The following LMX1B variants were observed in gnomAD, a reference collection of about 807,000 sequenced individuals.
LMX1B encodes the protein LIM homeobox transcription factor 1-beta.
LMX1B carries 12 observed loss-of-function variants against 51.4 expected under a neutral mutation model. The observed-to-expected ratio is 0.23, with a 90% CI of 0.15 to 0.38. The LOEUF is 0.38. Among genes scored for constraint, LMX1B ranks in the 10% least tolerant of loss-of-function variants. The probability of loss-of-function intolerance (pLI) is 1.00; values close to 1 mark genes in which losing one functional copy is unlikely to be tolerated. For synonymous variants in LMX1B, 237 were observed against 235.4 expected, an observed-to-expected ratio of 1.01 and a Z score of -0.06; for missense variants, 445 against 571.1, an observed-to-expected ratio of 0.78 and a Z score of 2.25.
chr9:126,682,107 T>TTTTTTTTTTTTTG, intron 2 of LMX1B, among the ~76,000 whole-genome samples: 1 of 144,288 alleles, frequency 6.9e-6, no homozygotes, highest in Non-Finnish European at 1.5e-5. Flanking sequence ...TTTTTTTTTT[T>TTTTTTTTTTTTTG]TATAGAGATG....
At chr9:126,652,889 G>T (rs146694521) in intron 2 of LMX1B, among the ~76,000 whole-genome samples, 3 of 152,204 alleles carry the variant, frequency 2.0e-5, no homozygotes, top group Non-Finnish European at 4.4e-5. Context: ...TAGCCCCAGC[G>T]GGTGTTGATG....
intron 2 of LMX1B, among the ~76,000 whole-genome samples, chr9:126,646,406 A>ATCCG (rs1835902856): frequency 6.6e-6 from 1 of 151,840 alleles, no homozygotes; most frequent in Non-Finnish European, 1.5e-5. Flanking sequence ...CAATCTACCC[A>ATCCG]TCCATCCATC....
chr9:126,683,752 T>C (rs1371579577), intron 2 of LMX1B, among the ~76,000 whole-genome samples: 1 of 152,060 alleles, frequency 6.6e-6, no homozygotes, highest in Non-Finnish European at 1.5e-5. Flanking sequence ...ACCCATAAGG[T>C]GGGAATTGGG....
chr9:126,633,829 C>T (rs1272895208), intron 2 of LMX1B, among the ~76,000 whole-genome samples: 1 of 152,158 alleles, frequency 6.6e-6, no homozygotes, highest in African/African-American at 2.4e-5. Context: ...TTCATTCAAC[C>T]GTAAGCCTCA....
In LMX1B at chr9:126,625,797, C is replaced by T. The variant is rs1256107001; in HGVS notation, c.326+10228C>T. 6.6e-6 allele frequency among the ~76,000 whole-genome samples: 1 copy of T among 152,208 alleles called. No individual in the cohort carries two copies. The highest frequency in any genetic ancestry group is 1.5e-5 in the Non-Finnish European group (1 of 68,038). On this transcript the variant is annotated intron_variant, in intron 2 of 7. Transcript: ENST00000373474. The surrounding 1 kb of genome is among the most constrained non-coding windows in gnomAD (Gnocchi z 5.3). Reference sequence around the variant, plus strand: ...GACCCAGCCCTGTCTGCCGACTGGCCCTTCGACGTCGCCGCCGTGCCTGAG... The same window carrying T: ...GACCCAGCCCTGTCTGCCGACTGGCTCTTCGACGTCGCCGCCGTGCCTGAG...
At chr9:126,638,339 G>A (rs558691671) in intron 2 of LMX1B, among the ~76,000 whole-genome samples, 32 of 152,060 alleles carry the variant, frequency 2.1e-4, no homozygotes, top group Non-Finnish European at 4.3e-4. Flanking sequence ...GGTGAACGAC[G>A]GGGCCTCCAG....
At position 126,614,552 on chromosome 9, in the gene LMX1B, C is replaced by G; in HGVS notation, c.103C>G (p.Leu35Val). ...CGGCATCAAGATGGAGGAGCACGCC[C>G]TGCGCCCCGGGCCCGCCACTCTGGG... Reference protein sequence around the residue: ...LDGIKMEEHALRPGPATLGVL... With the variant: ...LDGIKMEEHAVRPGPATLGVL... The change falls in exon 1 of 8, where the codon CTG becomes GTG. Residue 35 changes from leucine (L) to valine (V), a missense_variant. Physicochemically the swap from Leu to Val is conservative, Grantham distance 32. This residue lies in a region of LMX1B where 273 missense variants were observed against 343.3 expected (regional missense o/e 0.80). Coordinates refer to ENST00000373474, the MANE Select transcript of LMX1B (RefSeq NM_001174147.2). The G allele has an allele frequency of 6.3e-7, 1 of 1,588,052 alleles. No homozygotes were observed. The highest frequency in any genetic ancestry group is 1.7e-4 in the Middle Eastern group (1 of 5,988).
At chr9:126,684,241 C>G (rs539771405) in intron 2 of LMX1B, among the ~76,000 whole-genome samples, 1 of 152,210 alleles carries the variant, frequency 6.6e-6, no homozygotes, top group East Asian at 1.9e-4. Context: ...TCTGCCTGGT[C>G]CCCAGTGCGG....
intron 2 of LMX1B, among the ~76,000 whole-genome samples, chr9:126,675,317 G>A (rs999071372): frequency 2.0e-5 from 3 of 152,294 alleles, no homozygotes; most frequent in Non-Finnish European, 2.9e-5. Context: ...GGAGGGGACC[G>A]ATGGCTAGGC....
chr9:126,674,749 T>C (rs1221420546), intron 2 of LMX1B, among the ~76,000 whole-genome samples: 1 of 152,142 alleles, frequency 6.6e-6, no homozygotes, highest in Non-Finnish European at 1.5e-5. Context: ...ACTCCCTACA[T>C]GGCTCTCTGG....
chr9:126,631,116 G>A (rs987668221), intron 2 of LMX1B, among the ~76,000 whole-genome samples: 1 of 152,246 alleles, frequency 6.6e-6, no homozygotes, highest in African/African-American at 2.4e-5. Flanking sequence ...CCTGATAAGT[G>A]AGCAGCGACA....
At chr9:126,690,355 C>T (rs900712183) in intron 2 of LMX1B, among the ~76,000 whole-genome samples, 5 of 152,084 alleles carry the variant, frequency 3.3e-5, no homozygotes, top group South Asian at 4.1e-4. Flanking sequence ...GAGAGGGGAC[C>T]AGGCAGTTGC....
chr9:126,647,700 G>T (rs1483950314), intron 2 of LMX1B, among the ~76,000 whole-genome samples: 1 of 152,258 alleles, frequency 6.6e-6, no homozygotes, highest in African/African-American at 2.4e-5. Context: ...GGAACTGATG[G>T]CTCCTGCACA....
intron 6 of LMX1B, among the ~76,000 whole-genome samples, chr9:126,694,654 A>G (rs2030261876): frequency 1.3e-5 from 2 of 152,190 alleles, no homozygotes; most frequent in Non-Finnish European, 2.9e-5. Context: ...GGCAGGTGCC[A>G]GGGCACCAAT....
rs1461067214 is a variant in LMX1B at position 126,696,529 on chromosome 9, C to T, written c.*78C>T. The T allele has an allele frequency of 1.5e-5, 23 of 1,530,638 alleles. 1 individual carries two copies. Among genetic ancestry groups the T allele is most frequent in the Admixed American group, 1.2e-4 (7 of 59,666 alleles). 94.8% of individuals were successfully genotyped at this position (1,530,638 alleles called of 1,614,324 possible). A position where few individuals can be genotyped will look rare whatever the true frequency, so the allele number is the denominator to read the frequency against. On this transcript the variant is annotated 3_prime_UTR_variant, in exon 8 of 8. Transcript: ENST00000373474. ...CCTCTGCGGCCAGCCTGGCCACCCC[C>T]GCCCTGCTCTCCGCACAGACTACAG...
intron 2 of LMX1B, among the ~76,000 whole-genome samples, chr9:126,689,589 G>A (rs1421233413): frequency 6.6e-6 from 1 of 152,228 alleles, no homozygotes; most frequent in Non-Finnish European, 1.5e-5. Flanking sequence ...CAGGACACGT[G>A]ACAGGGTGGG....
At position 126,646,110 on chromosome 9, in the gene LMX1B, A is replaced by G. The variant is rs1009160476; in HGVS notation, c.326+30541A>G. Among the ~76,000 whole-genome samples, 4 of 152,320 alleles carry G rather than the reference A, an allele frequency of 2.6e-5. No individual in the cohort carries two copies. In the East Asian group the frequency reaches 7.7e-4, roughly 29 times the overall value. On this transcript the variant is annotated intron_variant, in intron 2 of 7. Transcript: ENST00000373474. ...GGCCTGAGATCCCTGCCTTCTTGGC[A>G]GTGTGATTAGGGGCAGAATATTGGG...
chr9:126,694,287 CTG>C (rs752064163), intron 6 of LMX1B, among the ~76,000 whole-genome samples: 24 of 152,270 alleles, frequency 1.6e-4, no homozygotes, highest in Admixed American at 3.3e-4. Flanking sequence ...GATGAGGAAA[CTG>C]AGGGACTGCC....
chr9:126,691,092 G>C, intron 3 of LMX1B, 24 bp downstream of exon 3: 2 of 1,565,600 alleles, frequency 1.3e-6, no homozygotes, highest in African/African-American at 1.4e-5. Flanking sequence ...TGAGCTGGGG[G>C]CAGGCCTCAG....
Sources: gnomAD v4.1 joint callset for allele counts (sites outside exome capture counted in the v4.1 genomes callset) on GRCh38, gnomAD v4.1.1 for gene constraint, gnomAD v4.1.1 regional missense constraint, Gnocchi (gnomAD v3.1) non-coding constraint, MANE v1.5 for transcripts, NCBI Gene and HGNC (gene_info 2026-07-23, HGNC 2026-07-21) for gene names.